KCNH7: variants seen among roughly 807,000 people sequenced by gnomAD.
The protein encoded by KCNH7 is voltage-gated inwardly rectifying potassium channel KCNH7.
A neutral mutation model predicts 120.8 loss-of-function variants in KCNH7; 49 were observed. That is an observed-to-expected ratio of 0.41 (90% CI 0.32 to 0.51). The LOEUF (loss-of-function observed/expected upper bound fraction) is 0.51. Among genes scored for constraint, KCNH7 ranks in the 20% least tolerant of loss-of-function variants. The probability of loss-of-function intolerance (pLI) is 0.38; values close to 1 mark genes in which losing one functional copy is unlikely to be tolerated. For missense variants in KCNH7, 1,097 were observed against 1,446.6 expected (o/e 0.76, Z 3.92); for synonymous variants, 547 against 516.1 (o/e 1.06, Z -0.81).
At position 162,780,883 on chromosome 2, in the gene KCNH7, T is replaced by C. The variant is rs537434877; in HGVS notation, c.307+55654A>G. Among the ~76,000 whole-genome samples, 25 of 152,256 alleles carry C rather than the reference T, an allele frequency of 1.6e-4. No homozygotes were observed. The South Asian group carries it at 5.0e-3, about 30-fold the overall frequency. On this transcript the variant is annotated intron_variant, in intron 2 of 15. Coordinates refer to ENST00000332142, the MANE Select transcript of KCNH7 (RefSeq NM_033272.4). ...TGATCCCTTTTAAGGTTGGAACAGC[T>C]GTCACATAAAAAGACTGTAATAAAC...
In KCNH7 at chr2:162,527,893, A is replaced by C. The variant is rs143190765; in HGVS notation, c.463+9032T>G. 3.1e-4 allele frequency: 47 copies of C among 152,146 alleles called. 1 individual carries two copies. Among genetic ancestry groups the C allele is most frequent in the African/African-American group, 1.1e-3 (45 of 41,568 alleles). 9.4% of individuals were successfully genotyped at this position (152,146 alleles called of 1,614,324 possible). A position where few individuals can be genotyped will look rare whatever the true frequency, so the allele number is the denominator to read the frequency against. On this transcript the variant is annotated intron_variant, in intron 3 of 15. Coordinates refer to ENST00000332142, the MANE Select transcript of KCNH7 (RefSeq NM_033272.4). ...TTTATTTTTATAGTTCTAGCTAAAC[A>C]TTCATTAACCTAGACCATGGTTTTC...
chr2:162,629,405 T>C (rs1032431511), intron 2 of KCNH7, among the ~76,000 whole-genome samples: 1 of 152,050 alleles, frequency 6.6e-6, no homozygotes, highest in African/African-American at 2.4e-5. Context: ...TTAGAATCTG[T>C]CATGAGGCAG....
chr2:162,379,763 G>A, intron 14 of KCNH7, 90 bp downstream of exon 14: 1 of 1,232,966 alleles, frequency 8.1e-7, no homozygotes, highest in Non-Finnish European at 1.1e-6. Flanking sequence ...ATGAGATCAT[G>A]GCAAGGAGAA....
chr2:162,793,639 C>A (rs1246613337), intron 2 of KCNH7, among the ~76,000 whole-genome samples: 1 of 151,662 alleles, frequency 6.6e-6, no homozygotes, highest in Non-Finnish European at 1.5e-5. Context: ...CTACTCAAAG[C>A]TATCTACAGA....
At chr2:162,601,655 G>A (rs1380806846) in intron 2 of KCNH7, among the ~76,000 whole-genome samples, 1 of 151,848 alleles carries the variant, frequency 6.6e-6, no homozygotes, top group African/African-American at 2.4e-5. Flanking sequence ...ACTAAACGAT[G>A]TACTCAGGCA....
chr2:162,518,058 A>C lies in KCNH7; in HGVS notation c.564T>G (p.Ser188=). The C allele has an allele frequency of 6.2e-7, 1 of 1,612,366 alleles. No homozygotes were observed. The highest frequency in any genetic ancestry group is 1.7e-4 in the Middle Eastern group (1 of 6,048). Residue 188 remains serine, a synonymous_variant, in exon 4 of 16, where the codon TCT becomes TCG. Transcript: ENST00000332142. The part of the protein sequence containing the change: ...EDPDVVVIDS[S]KHSDDSVAMK... ...TGGCTACTGAATCATCACTGTGTTT[A>C]GATGAATCGATGACCACCACATCGG...
rs531151299 is a variant in KCNH7, at chr2:162,692,330, T to C, written c.307+144207A>G. On this transcript the variant is annotated intron_variant, in intron 2 of 15. Transcript: ENST00000332142. The stretch of plus-strand genomic sequence containing the variant: ...TTAGTAGAGACGGGGTTTCACCATG[T>C]TCACCAGGATGATCTCCTACCCACC... 1.3e-3 allele frequency among the ~76,000 whole-genome samples: 199 copies of C among 152,204 alleles called. 2 individuals carry two copies. The highest frequency in any genetic ancestry group is 0.01 in the Middle Eastern group (3 of 294).
At chr2:162,666,499 T>C (rs1010607053) in intron 2 of KCNH7, among the ~76,000 whole-genome samples, 5 of 152,140 alleles carry the variant, frequency 3.3e-5, no homozygotes, top group African/African-American at 1.2e-4. Flanking sequence ...AGTGAAAACT[T>C]GATCTCTCCT....
intron 2 of KCNH7, among the ~76,000 whole-genome samples, chr2:162,794,234 G>C (rs948550132): frequency 5.3e-5 from 8 of 151,110 alleles, no homozygotes; most frequent in African/African-American, 1.9e-4. Context: ...AGGAAGGAAG[G>C]GCAGGAGGGA....
chr2:162,531,074 T>G (rs564454371), intron 3 of KCNH7, among the ~76,000 whole-genome samples: 16 of 151,942 alleles, frequency 1.1e-4, no homozygotes, highest in East Asian at 5.8e-4. Flanking sequence ...ATATTTTTAC[T>G]CTGTCCAACG....
chr2:162,375,036 C>T (rs898980838), intron 14 of KCNH7, among the ~76,000 whole-genome samples: 2 of 152,142 alleles, frequency 1.3e-5, no homozygotes, highest in African/African-American at 4.8e-5. Context: ...ATTTTTCTTT[C>T]ATTTCACTCT....
At chr2:162,500,245 A>T (rs1574033624) in intron 6 of KCNH7, among the ~76,000 whole-genome samples, 1 of 147,202 alleles carries the variant, frequency 6.8e-6, no homozygotes, top group African/African-American at 2.5e-5. Context: ...TTACATATAC[A>T]CATACTATGT....
intron 2 of KCNH7, among the ~76,000 whole-genome samples, chr2:162,745,872 G>GA (rs1290564628): frequency 1.3e-5 from 2 of 150,420 alleles, no homozygotes; most frequent in South Asian, 2.1e-4. Context: ...TAGATTTAAA[G>GA]AAAAAAAAGT....
intron 2 of KCNH7, among the ~76,000 whole-genome samples, chr2:162,802,400 C>T (rs191020942): frequency 3.0e-4 from 46 of 151,742 alleles, no homozygotes; most frequent in Admixed American, 1.6e-3. Flanking sequence ...TAAGAGCAGA[C>T]GACTTTTGTT....
chr2:162,621,018 T>C (rs1683335218), intron 2 of KCNH7, among the ~76,000 whole-genome samples: 1 of 152,056 alleles, frequency 6.6e-6, no homozygotes, highest in African/African-American at 2.4e-5. Context: ...CCCAAACCTC[T>C]TTCCCTGACT....
chr2:162,829,860 T>TC (rs1297208649), intron 2 of KCNH7, among the ~76,000 whole-genome samples: 3 of 151,674 alleles, frequency 2.0e-5, no homozygotes, highest in Non-Finnish European at 1.5e-5. Flanking sequence ...TTTTTTTTTT[T>TC]TTTCTAACTG....
chr2:162,579,321 A>C (rs1161351533), intron 2 of KCNH7, among the ~76,000 whole-genome samples: 1 of 152,060 alleles, frequency 6.6e-6, no homozygotes, highest in Non-Finnish European at 1.5e-5. Context: ...GGGAAATAGA[A>C]AAGGAACGTC....
chr2:162,383,554 T>G (rs1187612661), intron 13 of KCNH7, among the ~76,000 whole-genome samples: 1 of 151,974 alleles, frequency 6.6e-6, no homozygotes, highest in Non-Finnish European at 1.5e-5. Context: ...ATAAAACCTT[T>G]GTAGCTGAAT....
At chr2:162,822,331 C>A (rs1685147418) in intron 2 of KCNH7, among the ~76,000 whole-genome samples, 1 of 151,876 alleles carries the variant, frequency 6.6e-6, no homozygotes, top group Non-Finnish European at 1.5e-5. Flanking sequence ...TTACTGGGTA[C>A]CTGGAGCTGT....
Sources: gnomAD v4.1 joint callset for allele counts (sites outside exome capture counted in the v4.1 genomes callset) on GRCh38, gnomAD v4.1.1 for gene constraint, MANE v1.5 for transcripts, NCBI Gene and HGNC (gene_info 2026-07-23, HGNC 2026-07-21) for gene names.